The following H3-7 variants were observed in gnomAD, a reference collection of about 807,000 sequenced individuals.
H3-7 encodes H3.7 histone (putative), also known as histone H3-7.
the H3-7 span, chr1:143,904,555 T>C: frequency 6.2e-7 from 1 of 1,605,736 alleles, no homozygotes; most frequent in Admixed American, 1.7e-5. Flanking sequence ...GTAACAGCCT[T>C]TTTGGAGCCC....
chr1:143,905,901 A>G, the H3-7 span: 1 of 1,579,968 alleles, frequency 6.3e-7, no homozygotes, highest in Non-Finnish European at 8.7e-7. Flanking sequence ...CCGCTTTGGT[A>G]GCCAGCTGCT....
At chr1:143,904,358 C>A in the H3-7 span, 5 of 1,582,590 alleles carry the variant, frequency 3.2e-6, no homozygotes, top group Non-Finnish European at 4.3e-6. Flanking sequence ...TGTTGTAGTG[C>A]GCCAGGCGGG....
the H3-7 span, chr1:143,905,942 G>T: frequency 3.8e-6 from 6 of 1,580,084 alleles, 1 homozygote; most frequent in Non-Finnish European, 5.2e-6. Context: ...GTCGACTTGC[G>T]GGCAGTCTGC....
chr1:143,905,566 T>C, the H3-7 span: 5 of 1,579,654 alleles, frequency 3.2e-6, 1 homozygote, highest in African/African-American at 6.7e-5. Context: ...TTAGGCCCGC[T>C]CCCCGCGGAT....
chr1:143,905,911 T>A, the H3-7 span: 1 of 1,580,078 alleles, frequency 6.3e-7, no homozygotes, highest in Admixed American at 1.7e-5. Context: ...AGCCAGCTGC[T>A]TCCTCGGGGC....
the H3-7 span, chr1:143,904,654 G>A: frequency 2.8e-5 from 43 of 1,555,326 alleles, 4 homozygotes; most frequent in Admixed American, 2.6e-4. Context: ...CCGAACTACC[G>A]CAAAACGGGC....
the H3-7 span, chr1:143,904,466 C>G: frequency 6.3e-7 from 1 of 1,596,468 alleles, no homozygotes; most frequent in Non-Finnish European, 8.6e-7. Flanking sequence ...GGACCTGCTT[C>G]AGCACCTCCT....
the H3-7 span, chr1:143,905,885 T>C: frequency 6.3e-7 from 1 of 1,580,196 alleles, no homozygotes. Context: ...GGCGCGCTCT[T>C]GCGGGCCGCT....
the H3-7 span, among the ~76,000 whole-genome samples, chr1:143,903,998 A>C: frequency 6.9e-6 from 1 of 145,932 alleles, no homozygotes; most frequent in African/African-American, 2.5e-5. Flanking sequence ...CAAGCAACTC[A>C]GTAAGACTAG....
chr1:143,904,515 C>A, the H3-7 span: 2 of 1,605,682 alleles, frequency 1.2e-6, no homozygotes, highest in Non-Finnish European at 1.7e-6. Context: ...GCTGCGCTTG[C>A]GCTTCTCGCC....
the H3-7 span, chr1:143,904,229 C>G: frequency 1.3e-5 from 20 of 1,572,344 alleles, no homozygotes; most frequent in Middle Eastern, 1.8e-4. Flanking sequence ...ACTCTTACTT[C>G]GAGCTGGTGT....
chr1:143,905,758 C>A, the H3-7 span: 2 of 1,582,048 alleles, frequency 1.3e-6, no homozygotes, highest in Non-Finnish European at 8.7e-7. Flanking sequence ...GCGTACCAGC[C>A]GCTGGAAGGG....
the H3-7 span, chr1:143,905,852 G>A: frequency 1.4e-5 from 22 of 1,581,570 alleles, 3 homozygotes; most frequent in Non-Finnish European, 1.6e-5. Context: ...TAGCGGTGCG[G>A]CTTCTTCACC....
the H3-7 span, chr1:143,904,499 C>A: frequency 1.9e-6 from 3 of 1,604,852 alleles, no homozygotes; most frequent in Non-Finnish European, 2.6e-6. Context: ...AGTAGCTCTC[C>A]TTGCGGCTGC....
chr1:143,903,547 AAC>A, the H3-7 span, among the ~76,000 whole-genome samples: 1 of 20,530 alleles, frequency 4.9e-5, no homozygotes, highest in Non-Finnish European at 1.0e-4. Flanking sequence ...CCTCCCCCCC[AAC>A]ACACACACAC....
At chr1:143,905,391 C>G in the H3-7 span, 97 of 594,936 alleles carry the variant, frequency 1.6e-4, 14 homozygotes, top group Middle Eastern at 1.8e-3. Context: ...GGCCAACTCA[C>G]GGCTGGGCTT....
the H3-7 span, chr1:143,905,435 CT>C: frequency 1.2e-6 from 1 of 804,454 alleles, no homozygotes; most frequent in African/African-American, 1.8e-5. Flanking sequence ...ACGAGTGCCC[CT>C]GGCCCCTGAC....
At chr1:143,902,827 A>G in the H3-7 span, among the ~76,000 whole-genome samples, 28 of 146,372 alleles carry the variant, frequency 1.9e-4, 2 homozygotes, top group Admixed American at 6.9e-4. Flanking sequence ...CTAAAAACCA[A>G]CCACCTCGTC....
chr1:143,905,945 C>G, the H3-7 span: 2 of 1,580,102 alleles, frequency 1.3e-6, no homozygotes, highest in Admixed American at 1.7e-5. Flanking sequence ...GACTTGCGGG[C>G]AGTCTGCTTA....
Sources: gnomAD v4.1 joint callset for allele counts (sites outside exome capture counted in the v4.1 genomes callset) on GRCh38, gnomAD v4.1.1 for gene constraint, MANE v1.5 for transcripts, NCBI Gene and HGNC (gene_info 2026-07-23, HGNC 2026-07-21) for gene names.